The following RUNX1 variants were observed in gnomAD, a reference collection of about 807,000 sequenced individuals.
The protein encoded by RUNX1 is RUNX family transcription factor 1.
A neutral mutation model predicts 42.8 loss-of-function variants in RUNX1; 19 were observed. That is an observed-to-expected ratio of 0.44 (90% CI 0.31 to 0.65). The LOEUF (loss-of-function observed/expected upper bound fraction) is 0.65, where lower values mean the gene tolerates loss of function less well. RUNX1 is among the 30% of genes least tolerant of loss of function. The pLI, the probability that RUNX1 is intolerant of heterozygous loss-of-function variation, is 0.07. For synonymous variants in RUNX1, 271 were observed against 289.4 expected (o/e 0.94, Z 0.64); for missense variants, 528 against 672.0 (o/e 0.79, Z 2.37).
intron 2 of RUNX1, among the ~76,000 whole-genome samples, chr21:34,905,204 T>G (rs2146500117): frequency 1.3e-5 from 2 of 152,346 alleles, no homozygotes; most frequent in East Asian, 3.9e-4. Flanking sequence ...ACCGGCAAAT[T>G]GAACGACAAC....
chr21:34,984,793 T>C (rs2058872919), intron 2 of RUNX1, among the ~76,000 whole-genome samples: 1 of 152,152 alleles, frequency 6.6e-6, no homozygotes, highest in Non-Finnish European at 1.5e-5. Context: ...GCAAATACAA[T>C]GTCCATCAGA....
At chr21:34,797,802 C>T (rs73362839) in intron 8 of RUNX1, among the ~76,000 whole-genome samples, 11,788 of 152,186 alleles carry the variant, frequency 0.077, 1,227 homozygotes, top group African/African-American at 0.24. Context: ...CACCCAAGAA[C>T]ACTGGAAGGC....
chr21:35,011,617 G>T (rs2059127283), intron 2 of RUNX1, among the ~76,000 whole-genome samples: 1 of 152,180 alleles, frequency 6.6e-6, no homozygotes. Context: ...GCCCTCCATG[G>T]CCACTGCCTG....
chr21:34,970,284 A>C (rs2058754042), intron 2 of RUNX1, among the ~76,000 whole-genome samples: 1 of 152,250 alleles, frequency 6.6e-6, no homozygotes, highest in Non-Finnish European at 1.5e-5. Context: ...TATTCTACTC[A>C]TCACAGCAGT....
intron 8 of RUNX1, among the ~76,000 whole-genome samples, chr21:34,797,762 A>C (rs1243951220): frequency 3.9e-5 from 6 of 152,186 alleles, no homozygotes; most frequent in Non-Finnish European, 8.8e-5. Flanking sequence ...AAAACCAAGC[A>C]CTTAAGTTGG....
chr21:34,826,877 A>T (rs1462526289), intron 7 of RUNX1, among the ~76,000 whole-genome samples: 1 of 152,226 alleles, frequency 6.6e-6, no homozygotes, highest in Non-Finnish European at 1.5e-5. Flanking sequence ...GTGGCTTTGG[A>T]ACTGTATAAC....
intron 2 of RUNX1, among the ~76,000 whole-genome samples, chr21:34,961,171 C>T (rs2058679380): frequency 1.3e-5 from 2 of 151,964 alleles, no homozygotes; most frequent in Non-Finnish European, 1.5e-5. Context: ...GTCAGGAAAT[C>T]GAGACCATCC....
intron 5 of RUNX1, among the ~76,000 whole-genome samples, chr21:34,871,960 C>T (rs1038265268): frequency 2.0e-5 from 3 of 152,004 alleles, no homozygotes; most frequent in Non-Finnish European, 4.4e-5. Context: ...TTTCCTGCCT[C>T]AGCCTTCAGA....
At chr21:34,874,523 T>C (rs1172387838) in intron 5 of RUNX1, among the ~76,000 whole-genome samples, 1 of 144,090 alleles carries the variant, frequency 6.9e-6, no homozygotes, top group African/African-American at 2.6e-5. Context: ...GGTAGGAGAA[T>C]CGCTTGAACC....
intron 2 of RUNX1, among the ~76,000 whole-genome samples, chr21:34,992,346 A>T (rs1050568149): frequency 6.6e-6 from 1 of 152,198 alleles, no homozygotes; most frequent in Non-Finnish European, 1.5e-5. Context: ...ACAGTGCTGG[A>T]GCACGAGCCA....
chr21:34,926,514 C>T (rs2058395833), intron 2 of RUNX1, among the ~76,000 whole-genome samples: 1 of 43,412 alleles, frequency 2.3e-5, no homozygotes, highest in Non-Finnish European at 5.6e-5. Flanking sequence ...TTGACTAAAT[C>T]TGTCAGCATT....
At chr21:34,922,711 T>C (rs912612898) in intron 2 of RUNX1, among the ~76,000 whole-genome samples, 1 of 152,198 alleles carries the variant, frequency 6.6e-6, no homozygotes, top group Non-Finnish European at 1.5e-5. Context: ...GGAAGCCCCC[T>C]GTTCCCTCAT....
At chr21:34,861,673 A>G (rs752422988) in intron 5 of RUNX1, among the ~76,000 whole-genome samples, 1 of 152,108 alleles carries the variant, frequency 6.6e-6, no homozygotes, top group African/African-American at 2.4e-5. Flanking sequence ...CATGGCATTG[A>G]GATGCTGAGG....
intron 7 of RUNX1, among the ~76,000 whole-genome samples, chr21:34,815,755 T>C (rs896482412): frequency 2.0e-5 from 3 of 152,076 alleles, no homozygotes; most frequent in African/African-American, 7.2e-5. Flanking sequence ...GGGGCCGAGA[T>C]GTCTTACAAA....
intron 7 of RUNX1, among the ~76,000 whole-genome samples, chr21:34,828,002 C>T (rs2057012730): frequency 6.6e-6 from 1 of 152,230 alleles, no homozygotes; most frequent in Non-Finnish European, 1.5e-5. Context: ...CTAATGGAGA[C>T]ACAGAATTGG....
intron 6 of RUNX1, among the ~76,000 whole-genome samples, chr21:34,838,863 T>C (rs2057187709): frequency 6.6e-6 from 1 of 151,932 alleles, no homozygotes; most frequent in Non-Finnish European, 1.5e-5. Flanking sequence ...TAATTTAATG[T>C]TGGGAAATAT....
intron 2 of RUNX1, among the ~76,000 whole-genome samples, chr21:35,015,589 C>G (rs2059153697): frequency 6.6e-6 from 1 of 152,182 alleles, no homozygotes; most frequent in African/African-American, 2.4e-5. Context: ...CCACTCATAA[C>G]AAGTACTAGA....
At chr21:34,796,737 T>C (rs2056533425) in intron 8 of RUNX1, among the ~76,000 whole-genome samples, 1 of 152,184 alleles carries the variant, frequency 6.6e-6, no homozygotes, top group African/African-American at 2.4e-5. Flanking sequence ...AAAGGAGCTT[T>C]TGCATGACTC....
intron 2 of RUNX1, among the ~76,000 whole-genome samples, chr21:35,012,677 T>G (rs2059134190): frequency 6.6e-6 from 1 of 152,180 alleles, no homozygotes; most frequent in South Asian, 2.1e-4. Flanking sequence ...ACAAAATCTC[T>G]GAGCATGACT....
Sources: gnomAD v4.1 joint callset for allele counts (sites outside exome capture counted in the v4.1 genomes callset) on GRCh38, gnomAD v4.1.1 for gene constraint, MANE v1.5 for transcripts, NCBI Gene and HGNC (gene_info 2026-07-23, HGNC 2026-07-21) for gene names.